The following PCDHA3 variants were observed in gnomAD, a reference collection of about 807,000 sequenced individuals.
The protein encoded by PCDHA3 is protocadherin alpha 3, also known as protocadherin alpha-3.
PCDHA3 carries 41 observed loss-of-function variants against 62.2 expected under a neutral mutation model. The observed-to-expected ratio is 0.66, with a 90% confidence interval of 0.51 to 0.86. The LOEUF (loss-of-function observed/expected upper bound fraction) is 0.86, where lower values mean the gene tolerates loss of function less well. Among genes scored for constraint, PCDHA3 ranks in the 40% least tolerant of loss-of-function variants. The pLI, the probability that PCDHA3 is intolerant of heterozygous loss-of-function variation, is 0.00. For missense variants in PCDHA3, 1,304 were observed against 1,241.2 expected, an observed-to-expected ratio of 1.05 and a Z score of -0.76; for synonymous variants, 640 against 555.4, an observed-to-expected ratio of 1.15 and a Z score of -2.14.
intron 3 of PCDHA3, among the ~76,000 whole-genome samples, chr5:140,988,180 G>C (rs2097285964): frequency 1.3e-5 from 2 of 152,134 alleles, no homozygotes; most frequent in Admixed American, 1.3e-4. Context: ...TGACAGTCCT[G>C]GGAGGTGTGT....
chr5:140,868,706 CAA>C (rs1562618527), intron 1 of PCDHA3: 1 of 185,252 alleles, frequency 5.4e-6, no homozygotes, highest in Non-Finnish European at 1.1e-5. Flanking sequence ...AACATAGACA[CAA>C]TAATTTAAAT....
intron 1 of PCDHA3, chr5:140,822,208 A>G (rs949337780): frequency 1.2e-6 from 2 of 1,614,272 alleles, no homozygotes; most frequent in Non-Finnish European, 8.5e-7. Context: ...TTTAGAGTCA[A>G]GAATGCCAGA....
At chr5:140,822,639 A>G (rs1554128778) in intron 1 of PCDHA3, 3 of 1,610,754 alleles carry the variant, frequency 1.9e-6, no homozygotes, top group Admixed American at 1.7e-5. Flanking sequence ...TTGACGATGT[A>G]AAGTCCAAAT....
intron 1 of PCDHA3, chr5:140,848,753 G>A (rs1405880656): frequency 2.5e-6 from 4 of 1,593,302 alleles, no homozygotes; most frequent in African/African-American, 1.3e-5. Context: ...TTTTGTTTGT[G>A]AATTCTCGGA....
chr5:140,887,321 C>A (rs1277860165), intron 1 of PCDHA3, among the ~76,000 whole-genome samples: 4 of 152,150 alleles, frequency 2.6e-5, no homozygotes, highest in Non-Finnish European at 5.9e-5. Flanking sequence ...TAGTCTCGAA[C>A]TCCTGACCTC....
chr5:140,822,839 T>C (rs2150119735), intron 1 of PCDHA3: 9 of 1,614,184 alleles, frequency 5.6e-6, no homozygotes, highest in Non-Finnish European at 7.6e-6. Flanking sequence ...ACCACCCTTT[T>C]CCTGCCTGTC....
intron 1 of PCDHA3, chr5:140,808,238 G>C (rs1764130949): frequency 6.2e-7 from 1 of 1,614,228 alleles, no homozygotes; most frequent in Admixed American, 1.7e-5. Flanking sequence ...CCCAGATTTG[G>C]AATTCAAGTC....
chr5:140,894,138 T>A (rs1224822611), intron 1 of PCDHA3, among the ~76,000 whole-genome samples: 2 of 152,112 alleles, frequency 1.3e-5, no homozygotes, highest in Non-Finnish European at 2.9e-5. Flanking sequence ...TTGAAATAAT[T>A]CCCTTCTATG....
chr5:140,858,914 A>C, intron 1 of PCDHA3: 1 of 181,616 alleles, frequency 5.5e-6, no homozygotes, highest in Non-Finnish European at 1.1e-5. Flanking sequence ...CACAGCTTAT[A>C]CTGCCATAGT....
At chr5:140,826,118 A>C (rs1008758273) in intron 1 of PCDHA3, among the ~76,000 whole-genome samples, 37 of 152,206 alleles carry the variant, frequency 2.4e-4, no homozygotes, top group African/African-American at 8.4e-4. Context: ...ATATATTCCT[A>C]ATATCCTGAG....
At chr5:140,888,938 G>T (rs947628683) in intron 1 of PCDHA3, among the ~76,000 whole-genome samples, 1 of 151,864 alleles carries the variant, frequency 6.6e-6, no homozygotes, top group Admixed American at 6.6e-5. Flanking sequence ...TTTGAGGGAG[G>T]TATAAATTTT....
At chr5:140,803,778 G>A (rs1554122966) in intron 1 of PCDHA3, 187 bp downstream of exon 1, 3 of 976,582 alleles carry the variant, frequency 3.1e-6, no homozygotes, top group East Asian at 5.2e-5. Context: ...CAAATCAGCA[G>A]TAAGTTATGA....
At chr5:140,804,831 C>T (rs1763466873) in intron 1 of PCDHA3, 1 of 409,854 alleles carries the variant, frequency 2.4e-6, no homozygotes, top group South Asian at 4.8e-5. Flanking sequence ...GGTTAATACT[C>T]ATTGACAGTG....
chr5:140,934,528 G>T (rs782284913), intron 1 of PCDHA3, among the ~76,000 whole-genome samples: 26 of 152,112 alleles, frequency 1.7e-4, no homozygotes, highest in Non-Finnish European at 2.2e-4. Flanking sequence ...CACTTCGAGA[G>T]CTACCGTTCT....
rs2150435239 is a variant in PCDHA3, at chr5:140,849,330, T to C, written c.2394+45739T>C. On this transcript the variant is annotated intron_variant, in intron 1 of 3. Transcript: ENST00000522353. Reference sequence around the variant, plus strand: ...CGAAGGCTTGAATGGGGATATTATTTACTCCTTCTCCAGTGATGTTTCTCC... The same window carrying C: ...CGAAGGCTTGAATGGGGATATTATTCACTCCTTCTCCAGTGATGTTTCTCC... 7 of 1,375,184 alleles carry C rather than the reference T, an allele frequency of 5.1e-6. No individual in the cohort carries two copies. In the South Asian group the frequency reaches 8.9e-5, roughly 17 times the overall value. 85.2% of individuals were successfully genotyped at this position (1,375,184 alleles called of 1,614,324 possible).
At chr5:140,825,392 C>A (rs1581821577) in intron 1 of PCDHA3, 1 of 140,308 alleles carries the variant, frequency 7.1e-6, no homozygotes, top group Admixed American at 7.0e-5. Flanking sequence ...TAATATATAT[C>A]TAATATATTA....
At chr5:140,967,253 C>T in intron 1 of PCDHA3, 4 of 1,613,546 alleles carry the variant, frequency 2.5e-6, no homozygotes, top group South Asian at 1.1e-5. Context: ...ATCGGTGGCG[C>T]CTGGAGCGCG....
At chr5:140,941,624 T>A (rs2093131699) in intron 1 of PCDHA3, among the ~76,000 whole-genome samples, 1 of 151,964 alleles carries the variant, frequency 6.6e-6, no homozygotes, top group Non-Finnish European at 1.5e-5. Flanking sequence ...CCATCCTGCT[T>A]CTTAATTTCT....
At chr5:141,005,701 CAAA>C (rs59860837) in intron 3 of PCDHA3, among the ~76,000 whole-genome samples, 30 of 7,778 alleles carry the variant, frequency 3.9e-3, no homozygotes, top group African/African-American at 0.012. Context: ...AACTCCGTCT[CAAA>C]AAAAAAAAAA....
Sources: gnomAD v4.1 joint callset for allele counts (sites outside exome capture counted in the v4.1 genomes callset) on GRCh38, gnomAD v4.1.1 for gene constraint, MANE v1.5 for transcripts, NCBI Gene and HGNC (gene_info 2026-07-23, HGNC 2026-07-21) for gene names.